The following SENP2 variants were observed in gnomAD, a reference collection of about 807,000 sequenced individuals.
SENP2 encodes the protein SUMO specific peptidase 2.
Under a neutral mutation model 86.3 loss-of-function variants are expected in SENP2, and 16 were observed. The ratio of observed to expected loss-of-function variants is 0.19; its 90% CI spans 0.13 to 0.28. The LOEUF (loss-of-function observed/expected upper bound fraction) is 0.28, where lower values mean the gene tolerates loss of function less well. Ranked by LOEUF, SENP2 falls within the 10% of genes least tolerant of loss-of-function variation. The pLI, the probability that SENP2 is intolerant of heterozygous loss-of-function variation, is 1.00. For missense variants in SENP2, 552 were observed against 703.0 expected (o/e 0.79, Z 2.43); for synonymous variants, 222 against 238.7 (o/e 0.93, Z 0.64).
intron 2 of SENP2, among the ~76,000 whole-genome samples, chr3:185,594,556 A>AG (rs1234334062): frequency 4.6e-5 from 7 of 150,694 alleles, no homozygotes; most frequent in South Asian, 2.1e-4. Context: ...TGCTTTTGAG[A>AG]GAAAAAAAAG....
intron 1 of SENP2, among the ~76,000 whole-genome samples, chr3:185,587,554 T>C (rs898393546): frequency 6.7e-6 from 1 of 149,060 alleles, no homozygotes; most frequent in African/African-American, 2.5e-5. Context: ...TCTTCAACTT[T>C]AGTGATCAAG....
chr3:185,627,700 C>T (rs1394475286), intron 16 of SENP2, among the ~76,000 whole-genome samples: 12 of 152,098 alleles, frequency 7.9e-5, no homozygotes, highest in African/African-American at 4.8e-5. Flanking sequence ...CGTGAGCCAC[C>T]GCGCCTGGCC....
intron 2 of SENP2, among the ~76,000 whole-genome samples, chr3:185,596,824 ACC>A (rs1722191717): frequency 6.6e-6 from 1 of 151,462 alleles, no homozygotes; most frequent in African/African-American, 2.4e-5. Flanking sequence ...TCATGCCCTC[ACC>A]TCTGTGGTAA....
chr3:185,590,041 T>C (rs920617796), intron 1 of SENP2, 73 bp from the exon 2 acceptor site: 1 of 820,286 alleles, frequency 1.2e-6, no homozygotes, highest in East Asian at 3.0e-5. Context: ...GTTATATGAA[T>C]AGTAAGTTTA....
chr3:185,616,584 G>A (rs1359168056), intron 11 of SENP2, among the ~76,000 whole-genome samples: 1 of 151,818 alleles, frequency 6.6e-6, no homozygotes, highest in Non-Finnish European at 1.5e-5. Flanking sequence ...GACCATCCTG[G>A]CTAACACAGT....
intron 6 of SENP2, among the ~76,000 whole-genome samples, chr3:185,607,190 A>G (rs1472664823): frequency 3.3e-5 from 5 of 151,278 alleles, no homozygotes; most frequent in African/African-American, 1.2e-4. Context: ...TAAGCAAGTA[A>G]CCTCTGATAC....
At chr3:185,588,673 C>T (rs1721880274) in intron 1 of SENP2, among the ~76,000 whole-genome samples, 2 of 152,134 alleles carry the variant, frequency 1.3e-5, no homozygotes, top group Non-Finnish European at 2.9e-5. Context: ...CCTTATTTTT[C>T]TCTCCTATCT....
At chr3:185,606,644 TA>T in intron 6 of SENP2, 146 bp downstream of exon 6, 1 of 708,406 alleles carries the variant, frequency 1.4e-6, no homozygotes, top group Non-Finnish European at 2.3e-6. Flanking sequence ...GAGGCTGTCT[TA>T]AACCCAGATG....
chr3:185,605,962 T>A (rs998484306), intron 5 of SENP2, among the ~76,000 whole-genome samples: 2 of 152,192 alleles, frequency 1.3e-5, no homozygotes, highest in African/African-American at 4.8e-5. Context: ...ATATAGACAT[T>A]AAACAAATAA....
At chr3:185,599,410 C>G (rs1722273388) in intron 4 of SENP2, among the ~76,000 whole-genome samples, 1 of 152,106 alleles carries the variant, frequency 6.6e-6, no homozygotes, top group African/African-American at 2.4e-5. Context: ...TGGGGAGCAG[C>G]CTTAGGTTCC....
intron 2 of SENP2, among the ~76,000 whole-genome samples, chr3:185,590,867 CAAAAA>C (rs1196821162): frequency 2.2e-4 from 3 of 13,526 alleles, no homozygotes; most frequent in Non-Finnish European, 3.8e-4. Context: ...CACTCCATCT[CAAAAA>C]AAAAAAAAAA....
At chr3:185,597,717 G>A (rs1015440413) in intron 2 of SENP2, among the ~76,000 whole-genome samples, 1 of 149,792 alleles carries the variant, frequency 6.7e-6, no homozygotes. Context: ...GTAATGGCGC[G>A]ATCTTGGCTC....
chr3:185,629,875 G>GTC lies in SENP2; in HGVS notation c.*32_*33insCT. ...CTTTGCCTGGTCCCTCTAGCTGCTG[G>GTC]TGGTTCTTTCACAGACATTTCCATA... On this transcript the variant is annotated 3_prime_UTR_variant, in exon 17 of 17. Transcript: ENST00000296257. 6.2e-7 allele frequency: 1 copy of GTC among 1,609,110 alleles called. No homozygotes were observed. The highest frequency in any genetic ancestry group is 8.5e-7 in the Non-Finnish European group (1 of 1,175,618).
In SENP2 at chr3:185,612,452, C is replaced by T. The variant is rs565540900; in HGVS notation, c.818-155C>T. On this transcript the variant is annotated intron_variant, in intron 8 of 16. Coordinates refer to ENST00000296257, the MANE Select transcript of SENP2 (RefSeq NM_021627.3). ...GATATGTATGCATTTTTTTAGGCAA[C>T]TTAGTATATAGGGAGGCTAGTGTCT... The T allele has an allele frequency of 2.9e-4, 161 of 564,334 alleles. No homozygotes were observed. The African/African-American group carries it at 2.9e-3, about 10-fold the overall frequency. The allele number at this position is 564,334 out of a possible 1,614,324, so 35.0% of individuals were successfully genotyped here.
At chr3:185,610,353 G>A (rs989398292) in intron 7 of SENP2, among the ~76,000 whole-genome samples, 51 of 151,934 alleles carry the variant, frequency 3.4e-4, no homozygotes, top group African/African-American at 1.2e-3. Flanking sequence ...GTAGAGATGG[G>A]GCTTCACCAT....
chr3:185,600,660 T>C (rs1380607780), intron 4 of SENP2, 105 bp from the exon 5 acceptor site: 2 of 697,386 alleles, frequency 2.9e-6, no homozygotes, highest in Non-Finnish European at 5.0e-6. Context: ...AAGATGTTGA[T>C]TTAGCTCTAT....
intron 10 of SENP2, among the ~76,000 whole-genome samples, chr3:185,613,900 A>T (rs550817252): frequency 6.7e-6 from 1 of 149,260 alleles, no homozygotes; most frequent in East Asian, 2.0e-4. Context: ...GAGTTGTTGG[A>T]GTTTTGCCTC....
At chr3:185,629,745 T>C (rs1202641178) in intron 16 of SENP2, 37 bp from the exon 17 acceptor site, 2 of 1,603,878 alleles carry the variant, frequency 1.2e-6, no homozygotes, top group Admixed American at 1.7e-5. Flanking sequence ...TGCACATTAA[T>C]ATGTAATGCG....
intron 14 of SENP2, 81 bp from the exon 15 acceptor site, chr3:185,623,917 C>A: frequency 1.0e-5 from 6 of 575,268 alleles, no homozygotes; most frequent in Non-Finnish European, 1.5e-5. Flanking sequence ...ATCTGTTTAA[C>A]ATCAGAAAGC....
Sources: allele counts gnomAD v4.1 joint callset (sites outside exome capture counted in the v4.1 genomes callset), GRCh38; gene constraint gnomAD v4.1.1; transcripts MANE v1.5; gene names NCBI Gene and HGNC (gene_info 2026-07-23, HGNC 2026-07-21).